YPEL2: variants seen among roughly 807,000 people sequenced by gnomAD.
YPEL2 encodes yippee like 2, also known as protein yippee-like 2.
A neutral mutation model predicts 19.1 loss-of-function variants in YPEL2; 2 were observed. The ratio of observed to expected loss-of-function variants is 0.10; its 90% CI spans 0.04 to 0.33. The LOEUF (loss-of-function observed/expected upper bound fraction) is 0.33, where lower values mean the gene tolerates loss of function less well. YPEL2 is among the 10% of genes least tolerant of loss of function. The pLI is 1.00. For synonymous variants in YPEL2, 52 were observed against 50.0 expected (o/e 1.04, Z -0.17); for missense variants, 66 against 140.7 (o/e 0.47, Z 2.68).
chr17:59,334,630 A>AT (rs1192288809), intron 1 of YPEL2, among the ~76,000 whole-genome samples: 5 of 151,310 alleles, frequency 3.3e-5, no homozygotes, highest in Admixed American at 6.6e-5. Flanking sequence ...CACAGGTTAG[A>AT]TTTTTCCCTC....
intron 4 of YPEL2, among the ~76,000 whole-genome samples, chr17:59,390,981 T>A (rs180816344): frequency 2.0e-4 from 31 of 152,354 alleles, no homozygotes; most frequent in African/African-American, 7.2e-4. Context: ...GCATAGAGCA[T>A]ATGTCAGTGA....
intron 4 of YPEL2, among the ~76,000 whole-genome samples, chr17:59,394,773 C>T (rs1386217553): frequency 2.6e-5 from 4 of 152,318 alleles, no homozygotes; most frequent in East Asian, 1.9e-4. Flanking sequence ...GCCGAGATCA[C>T]GCCACTGCAC....
At chr17:59,395,807 G>C (rs1426405356) in intron 4 of YPEL2, among the ~76,000 whole-genome samples, 1 of 152,112 alleles carries the variant, frequency 6.6e-6, no homozygotes, top group Non-Finnish European at 1.5e-5. Flanking sequence ...GTCCGGGCGC[G>C]GTGGCTCACA....
intron 1 of YPEL2, among the ~76,000 whole-genome samples, chr17:59,350,039 G>C (rs527553360): frequency 6.6e-6 from 1 of 151,788 alleles, no homozygotes; most frequent in Non-Finnish European, 1.5e-5. Context: ...TGTACCAGTT[G>C]AACAAGATTC....
chr17:59,371,655 G>T (rs899510277), intron 2 of YPEL2, among the ~76,000 whole-genome samples: 16 of 152,138 alleles, frequency 1.1e-4, no homozygotes, highest in African/African-American at 3.4e-4. Context: ...TAGCCCTGCC[G>T]CGAGACAGGA....
intron 4 of YPEL2, among the ~76,000 whole-genome samples, chr17:59,391,622 G>T (rs572292978): frequency 6.6e-6 from 1 of 152,182 alleles, no homozygotes; most frequent in South Asian, 2.1e-4. Flanking sequence ...ATGGGGCCAG[G>T]CGTAATAGCT....
At chr17:59,388,098 C>T (rs2047989955) in intron 2 of YPEL2, among the ~76,000 whole-genome samples, 1 of 152,188 alleles carries the variant, frequency 6.6e-6, no homozygotes, top group Non-Finnish European at 1.5e-5. Flanking sequence ...CATTTTCTCA[C>T]CTGGGCTAGT....
chr17:59,354,475 CTGT>C (rs1181354688), intron 2 of YPEL2: 1 of 152,112 alleles, frequency 6.6e-6, no homozygotes, highest in East Asian at 1.9e-4. Context: ...GAAAAGGTGG[CTGT>C]TGCTTTCTTT....
intron 2 of YPEL2, among the ~76,000 whole-genome samples, chr17:59,373,271 G>A (rs1485579996): frequency 6.6e-6 from 1 of 152,210 alleles, no homozygotes; most frequent in Non-Finnish European, 1.5e-5. Flanking sequence ...GGACTGTACT[G>A]AGGAGTCCTT....
intron 1 of YPEL2, among the ~76,000 whole-genome samples, chr17:59,347,084 C>T (rs895004780): frequency 5.9e-5 from 9 of 152,140 alleles, no homozygotes; most frequent in Admixed American, 2.0e-4. Context: ...GTAATACACA[C>T]CTGGAATGTA....
Position 59,401,001 on chromosome 17 carries a change from A to G in YPEL2, c.*3811A>G, listed in dbSNP as rs1254861351. The G allele has an allele frequency of 6.6e-6, 1 of 152,604 alleles. No homozygotes were observed. Among genetic ancestry groups the G allele is most frequent in the African/African-American group, 2.4e-5 (1 of 41,430 alleles). 9.5% of individuals were successfully genotyped at this position (152,604 alleles called of 1,614,324 possible). ...TAAAGGAGATGTGTTGTTTGTGAAGATGGAGCAGAGTCAAATCTGTGCTTC... is the reference window on the plus strand; with the variant it reads ...TAAAGGAGATGTGTTGTTTGTGAAGGTGGAGCAGAGTCAAATCTGTGCTTC... On this transcript the variant is annotated 3_prime_UTR_variant, in exon 5 of 5. Transcript: ENST00000312655.
intron 4 of YPEL2, among the ~76,000 whole-genome samples, chr17:59,391,872 C>T (rs763948363): frequency 5.3e-5 from 8 of 151,484 alleles, no homozygotes; most frequent in Non-Finnish European, 1.0e-4. Context: ...TGCACTCCAG[C>T]CTGGGCGACA....
rs1386713975 is a variant in YPEL2, at chr17:59,397,277, G to C, written c.*87G>C. On this transcript the variant is annotated 3_prime_UTR_variant, in exon 5 of 5. Transcript: ENST00000312655. The stretch of plus-strand genomic sequence containing the variant: ...AAGCGTGAGAGAGTGACTGACACTT[G>C]GTTCCATCCATTTAGGGGCCTTGCC... 9.0e-7 allele frequency: 1 copy of C among 1,105,906 alleles called. No homozygotes were observed. Among genetic ancestry groups the C allele is most frequent in the East Asian group, 2.8e-5 (1 of 35,264 alleles). 68.5% of individuals were successfully genotyped at this position (1,105,906 alleles called of 1,614,324 possible). A position where few individuals can be genotyped will look rare whatever the true frequency, so the allele number is the denominator to read the frequency against.
chr17:59,348,865 C>T (rs971089361), intron 1 of YPEL2, among the ~76,000 whole-genome samples: 13 of 152,104 alleles, frequency 8.5e-5, no homozygotes, highest in Admixed American at 7.2e-4. Flanking sequence ...GAGTTAAGCT[C>T]CATACTCTTA....
intron 4 of YPEL2, among the ~76,000 whole-genome samples, chr17:59,390,810 CTAGGCAGCTAGAGT>C (rs2048003823): frequency 6.6e-6 from 1 of 152,168 alleles, no homozygotes; most frequent in African/African-American, 2.4e-5. Flanking sequence ...TAAGAACCAT[CTAGGCAGCTAGAGT>C]CAGGTTCAAA....
At chr17:59,368,091 CTTT>C (rs561752545) in intron 2 of YPEL2, among the ~76,000 whole-genome samples, 1 of 149,124 alleles carries the variant, frequency 6.7e-6, no homozygotes, top group African/African-American at 2.5e-5. Context: ...ATGAAATTCT[CTTT>C]TTTTTTTGAG....
At chr17:59,344,481 G>T (rs1461240346) in intron 1 of YPEL2, among the ~76,000 whole-genome samples, 1 of 152,192 alleles carries the variant, frequency 6.6e-6, no homozygotes, top group Admixed American at 6.5e-5. Flanking sequence ...AAAAGTATTA[G>T]TGTTTGTGGC....
intron 2 of YPEL2, among the ~76,000 whole-genome samples, chr17:59,373,063 G>A (rs1007726017): frequency 4.6e-5 from 7 of 152,112 alleles, no homozygotes; most frequent in Non-Finnish European, 1.0e-4. Context: ...GTAGAGACAG[G>A]GTTTCACCGT....
rs968990084 is a variant in YPEL2 at position 59,372,989 on chromosome 17, T to C, written c.118-15338T>C. On this transcript the variant is annotated intron_variant, in intron 2 of 4. Coordinates refer to ENST00000312655, the MANE Select transcript of YPEL2 (RefSeq NM_001005404.4). Reference sequence around the variant, plus strand: ...CCCAGGCTCAAGTGATTCTCCTGCCTCAGCCTCCTGAGTAGCTGGGATTAC... The same window carrying C: ...CCCAGGCTCAAGTGATTCTCCTGCCCCAGCCTCCTGAGTAGCTGGGATTAC... Among the ~76,000 whole-genome samples, 11 of 152,324 alleles carry C rather than the reference T, an allele frequency of 7.2e-5. No homozygotes were observed. In the East Asian group the frequency reaches 2.1e-3, roughly 29 times the overall value.
Sources: allele counts gnomAD v4.1 joint callset (sites outside exome capture counted in the v4.1 genomes callset), GRCh38; gene constraint gnomAD v4.1.1; transcripts MANE v1.5; gene names NCBI Gene and HGNC (gene_info 2026-07-23, HGNC 2026-07-21).